SH3GL3: variants seen among roughly 807,000 people sequenced by gnomAD.
SH3GL3 encodes the protein endophilin-A3.
A neutral mutation model predicts 47.7 loss-of-function variants in SH3GL3; 33 were observed. That is an observed-to-expected ratio of 0.69 (90% CI 0.52 to 0.92). SH3GL3 has a LOEUF of 0.92. Among genes scored for constraint, SH3GL3 ranks in the 40% least tolerant of loss-of-function variants. The pLI, the probability that SH3GL3 is intolerant of heterozygous loss-of-function variation, is 0.00. For synonymous variants in SH3GL3, 155 were observed against 148.8 expected (o/e 1.04, Z -0.30); for missense variants, 363 against 417.8 (o/e 0.87, Z 1.14).
At chr15:83,472,237 C>T (rs548788730) in intron 1 of SH3GL3, among the ~76,000 whole-genome samples, 6 of 152,320 alleles carry the variant, frequency 3.9e-5, no homozygotes, top group African/African-American at 1.4e-4. Context: ...GATCTGTAGG[C>T]TGTCTTTTGC....
rs185152358 is a variant in SH3GL3, at chr15:83,524,294, C to A, written c.46-34959C>A. 1.8e-3 allele frequency among the ~76,000 whole-genome samples: 272 copies of A among 152,298 alleles called. 2 individuals are homozygous for A. The highest frequency in any genetic ancestry group is 0.016 in the Admixed American group (241 of 15,298). On this transcript the variant is annotated intron_variant, in intron 1 of 8. Coordinates refer to ENST00000427482, the MANE Select transcript of SH3GL3 (RefSeq NM_003027.5). The stretch of plus-strand genomic sequence containing the variant: ...AATTCTGTATTCTTAGTTGTGTTGT[C>A]ATGAAGGATGCATCTTCTCATTTTC...
chr15:83,588,545 C>T, intron 7 of SH3GL3, 117 bp from the exon 8 acceptor site: 1 of 668,744 alleles, frequency 1.5e-6, no homozygotes, highest in Non-Finnish European at 2.7e-6. Context: ...TAAAAATCGT[C>T]CCTTTCATGA....
At chr15:83,542,176 C>T (rs2044200808) in intron 1 of SH3GL3, among the ~76,000 whole-genome samples, 2 of 152,136 alleles carry the variant, frequency 1.3e-5, no homozygotes, top group Admixed American at 6.5e-5. Flanking sequence ...TAGTTTCACT[C>T]TTCTGCATAT....
chr15:83,476,412 G>C (rs1009181263), intron 1 of SH3GL3, among the ~76,000 whole-genome samples: 2 of 152,120 alleles, frequency 1.3e-5, no homozygotes, highest in African/African-American at 2.4e-5. Flanking sequence ...ATATAAATTT[G>C]AGGTGCTTTC....
At chr15:83,577,832 G>A (rs1329386187) in intron 6 of SH3GL3, among the ~76,000 whole-genome samples, 2 of 152,232 alleles carry the variant, frequency 1.3e-5, no homozygotes, top group African/African-American at 4.8e-5. Flanking sequence ...GAAAAGTCGA[G>A]GTCATGTAGT....
chr15:83,625,219 T>C, the SH3GL3 span, among the ~76,000 whole-genome samples: 1 of 152,252 alleles, frequency 6.6e-6, no homozygotes, highest in South Asian at 2.1e-4. Context: ...TCTTGTTTAA[T>C]GTTCCTACTA....
chr15:83,606,084 C>A (rs781238974), intron 8 of SH3GL3, among the ~76,000 whole-genome samples: 1 of 151,906 alleles, frequency 6.6e-6, no homozygotes, highest in Non-Finnish European at 1.5e-5. Context: ...AAAGGGGTAC[C>A]ACTTTGTGTA....
At chr15:83,491,578 G>A (rs1344431058) in intron 1 of SH3GL3, among the ~76,000 whole-genome samples, 1 of 152,190 alleles carries the variant, frequency 6.6e-6, no homozygotes, top group Non-Finnish European at 1.5e-5. Context: ...AGAAATTCAC[G>A]TGGTCTTGCA....
At chr15:83,488,519 C>T (rs1296743656) in intron 1 of SH3GL3, among the ~76,000 whole-genome samples, 1 of 152,166 alleles carries the variant, frequency 6.6e-6, no homozygotes, top group Non-Finnish European at 1.5e-5. Context: ...CACTGTTAGC[C>T]CACATGGTGC....
At chr15:83,555,165 G>C (rs2044880895) in intron 1 of SH3GL3, among the ~76,000 whole-genome samples, 1 of 151,952 alleles carries the variant, frequency 6.6e-6, no homozygotes, top group Non-Finnish European at 1.5e-5. Flanking sequence ...CATCTATTGG[G>C]TTTTTCATTT....
chr15:83,499,845 AGGGCCTG>A (rs999007204), intron 1 of SH3GL3, among the ~76,000 whole-genome samples: 1 of 152,250 alleles, frequency 6.6e-6, no homozygotes, highest in Non-Finnish European at 1.5e-5. Flanking sequence ...ATTACACAGT[AGGGCCTG>A]GCCACAGAAT....
At chr15:83,599,800 A>G (rs1015290300) in intron 8 of SH3GL3, among the ~76,000 whole-genome samples, 1 of 152,220 alleles carries the variant, frequency 6.6e-6, no homozygotes, top group East Asian at 1.9e-4. Flanking sequence ...ACTAGTTTAC[A>G]TTCTTACCAG....
chr15:83,609,565 T>A lies in SH3GL3; in HGVS notation c.839-8517T>A, dbSNP rs181856425. On this transcript the variant is annotated intron_variant, in intron 8 of 8. Transcript: ENST00000427482. ...TTCTCTCTCCATCCCCTTTGCCCCTTGAAATAACTATGGGGGTGGGGTCAT... is the reference window on the plus strand; with the variant it reads ...TTCTCTCTCCATCCCCTTTGCCCCTAGAAATAACTATGGGGGTGGGGTCAT... 1.5e-4 allele frequency: 43 copies of A among 281,750 alleles called. No individual in the cohort carries two copies. The East Asian group carries it at 3.6e-3, about 24-fold the overall frequency. 17.5% of individuals were successfully genotyped at this position (281,750 alleles called of 1,614,324 possible). A position where few individuals can be genotyped will look rare whatever the true frequency, so the allele number is the denominator to read the frequency against.
intron 6 of SH3GL3, among the ~76,000 whole-genome samples, chr15:83,580,427 C>T (rs2059800256): frequency 6.6e-6 from 1 of 152,172 alleles, no homozygotes; most frequent in South Asian, 2.1e-4. Context: ...GCAAGGGAAG[C>T]CTGGTGGCAG....
chr15:83,516,816 C>G (rs1323578830), intron 1 of SH3GL3, among the ~76,000 whole-genome samples: 1 of 152,050 alleles, frequency 6.6e-6, no homozygotes, highest in Non-Finnish European at 1.5e-5. Flanking sequence ...GGAGGCATTC[C>G]TAAATACTGT....
chr15:83,458,949 A>T (rs2040135963), intron 1 of SH3GL3, among the ~76,000 whole-genome samples: 1 of 152,222 alleles, frequency 6.6e-6, no homozygotes, highest in South Asian at 2.1e-4. Flanking sequence ...ACAATAGGTT[A>T]TCTGCAAGCT....
At chr15:83,559,988 C>A (rs2045180777) in intron 2 of SH3GL3, among the ~76,000 whole-genome samples, 1 of 152,214 alleles carries the variant, frequency 6.6e-6, no homozygotes, top group Non-Finnish European at 1.5e-5. Context: ...TGTCCCTTAA[C>A]ATGTTTCCCA....
In SH3GL3 at chr15:83,599,843, C is replaced by T. The variant is rs117311443; in HGVS notation, c.838+11072C>T. ...GAAATGTTCCCTTTTCACCCATCCA[C>T]GCCAACATCTATTTTTTTTAATATT... On this transcript the variant is annotated intron_variant, in intron 8 of 8. Transcript: ENST00000427482. Among the ~76,000 whole-genome samples, 410 of 152,202 alleles carry T rather than the reference C, an allele frequency of 2.7e-3. 2 individuals are homozygous for T. Among genetic ancestry groups the T allele is most frequent in the Non-Finnish European group, 4.0e-3 (269 of 67,996 alleles).
At chr15:83,600,571 C>T (rs567218988) in intron 8 of SH3GL3, among the ~76,000 whole-genome samples, 1 of 152,238 alleles carries the variant, frequency 6.6e-6, no homozygotes, top group East Asian at 1.9e-4. Context: ...ATAACAGTAC[C>T]ATGCTGTTTT....
Sources: gnomAD v4.1 joint callset for allele counts (sites outside exome capture counted in the v4.1 genomes callset) on GRCh38, gnomAD v4.1.1 for gene constraint, MANE v1.5 for transcripts, NCBI Gene and HGNC (gene_info 2026-07-23, HGNC 2026-07-21) for gene names.